Variants in SHROOM2 observed in about 807,000 individuals in gnomAD.
The protein encoded by SHROOM2 is protein Shroom2.
In SHROOM2, 33 loss-of-function variants were observed where a neutral mutation model predicts 75.9. The ratio of observed to expected loss-of-function variants is 0.43; its 90% CI spans 0.33 to 0.58. SHROOM2 has a LOEUF of 0.58. Among genes scored for constraint, SHROOM2 ranks in the 20% least tolerant of loss-of-function variants. The pLI, the probability that SHROOM2 is intolerant of heterozygous loss-of-function variation, is 0.04. For missense variants in SHROOM2, 1,434 were observed against 1,461.2 expected (o/e 0.98, Z 0.30); for synonymous variants, 655 against 663.6 (o/e 0.99, Z 0.20).
At chrX:9,868,480 G>A (rs1382565396) in intron 1 of SHROOM2, among the ~76,000 whole-genome samples, 1 of 109,187 alleles carries the variant, frequency 9.2e-6, no homozygotes, top group Non-Finnish European at 1.9e-5. Flanking sequence ...TCCTGACCTC[G>A]TGATCCACCC....
intron 1 of SHROOM2, among the ~76,000 whole-genome samples, chrX:9,848,458 T>C (rs1229665893): frequency 3.7e-5 from 3 of 81,385 alleles, no homozygotes; most frequent in Admixed American, 1.7e-4. Flanking sequence ...GAGCCGAGAT[T>C]GCGCCACTGC....
At chrX:9,877,120 A>G (rs1601960950) in intron 2 of SHROOM2, among the ~76,000 whole-genome samples, 1 of 111,873 alleles carries the variant, frequency 8.9e-6, no homozygotes, top group Admixed American at 9.5e-5. Flanking sequence ...GGCCACTTTC[A>G]CAAAGCGGTG....
intron 1 of SHROOM2, among the ~76,000 whole-genome samples, chrX:9,789,555 CA>C (rs1200636824): frequency 2.7e-5 from 3 of 110,927 alleles, no homozygotes; most frequent in African/African-American, 9.9e-5. Context: ...GGGTTTTTTG[CA>C]TGTTTCTGTT....
intron 1 of SHROOM2, among the ~76,000 whole-genome samples, chrX:9,836,515 C>T (rs1601936574): frequency 9.4e-6 from 1 of 106,939 alleles, no homozygotes; most frequent in Non-Finnish European, 1.9e-5. Flanking sequence ...CCCTCTCTAC[C>T]CCCTCCTTCT....
chrX:9,898,130 A>G lies in SHROOM2; in HGVS notation c.2791-60A>G, dbSNP rs892345844. ...CCCACAAATGAGGGCTTTCATAATC[A>G]CAGATGTCCTGAGGAAGGCAGCTTG... On this transcript the variant is annotated intron_variant, in intron 4 of 9. Coordinates refer to ENST00000380913, the MANE Select transcript of SHROOM2 (RefSeq NM_001649.4). 4 of 967,752 alleles carry G rather than the reference A, an allele frequency of 4.1e-6. No homozygotes were observed. In the African/African-American group the frequency reaches 7.7e-5, roughly 19 times the overall value. The allele number at this position is 967,752 out of a possible 1,213,427, so 79.8% of individuals were successfully genotyped here. A position where few individuals can be genotyped will look rare whatever the true frequency, so the allele number is the denominator to read the frequency against.
chrX:9,861,096 A>C (rs1324772327), intron 1 of SHROOM2, among the ~76,000 whole-genome samples: 1 of 112,348 alleles, frequency 8.9e-6, no homozygotes, highest in East Asian at 2.8e-4. Flanking sequence ...CAACAATGCG[A>C]TTATAGTTAA....
intron 1 of SHROOM2, among the ~76,000 whole-genome samples, chrX:9,849,208 A>G (rs2084024881): frequency 9.0e-6 from 1 of 111,723 alleles, no homozygotes; most frequent in African/African-American, 3.3e-5. Context: ...GGGAGCGTGG[A>G]TCTCTGTGCC....
In SHROOM2 at chrX:9,937,423, G is replaced by C. The variant is rs1429595482; in HGVS notation, c.3877G>C (p.Asp1293His). 1.7e-6 allele frequency: 2 copies of C among 1,209,003 alleles called. No homozygotes were observed. The highest frequency in any genetic ancestry group is 4.4e-5 in the Admixed American group (2 of 45,735). ...GGGCACCCAGGTGCCCCCCGAGAAA[G>C]ACCGCTGCACCTCCCCTCCAGGGCT... ...PLGTQVPPEK[D>H]RCTSPPGLSY... Residue 1293 changes from aspartate to histidine, a missense_variant, in exon 7 of 10, where the codon GAC (aspartate) becomes CAC (histidine). This residue lies in a region of SHROOM2 where 1,340 missense variants were observed against 1,338.3 expected (regional missense o/e 1.00). Coordinates refer to ENST00000380913, the MANE Select transcript of SHROOM2 (RefSeq NM_001649.4).
chrX:9,890,040 C>T (rs2084281724), intron 2 of SHROOM2, among the ~76,000 whole-genome samples: 1 of 112,652 alleles, frequency 8.9e-6, no homozygotes, highest in Non-Finnish European at 1.9e-5. Flanking sequence ...GACAAGTTAA[C>T]AGTTGTCCAT....
At chrX:9,917,535 T>TTGTTGTTGTTG (rs56120057) in intron 5 of SHROOM2, among the ~76,000 whole-genome samples, 2 of 102,352 alleles carry the variant, frequency 2.0e-5, no homozygotes, top group Admixed American at 1.1e-4. Flanking sequence ...TGTTGTTGTT[T>TTGTTGTTGTTG]TTTGAGATGG....
chrX:9,786,463 C>A lies in SHROOM2; in HGVS notation c.-83C>A. 1.4e-6 allele frequency: 1 copy of A among 733,660 alleles called. No homozygotes were observed. The highest frequency in any genetic ancestry group is 2.3e-5 in the African/African-American group (1 of 44,414). 60.5% of individuals were successfully genotyped at this position (733,660 alleles called of 1,213,427 possible). A position where few individuals can be genotyped will look rare whatever the true frequency, so the allele number is the denominator to read the frequency against. ...CCAAGTTACGGCGCAAGTTCTGCGG[C>A]GCTCGGAGCCTCCCTTGCGATCCCA... is the stretch of plus-strand genomic sequence containing the variant. On this transcript the variant is annotated 5_prime_UTR_variant, in exon 1 of 10. Coordinates refer to ENST00000380913, the MANE Select transcript of SHROOM2 (RefSeq NM_001649.4).
intron 5 of SHROOM2, among the ~76,000 whole-genome samples, chrX:9,914,213 C>T (rs1006471309): frequency 2.8e-5 from 3 of 108,313 alleles, no homozygotes; most frequent in Non-Finnish European, 3.8e-5. Flanking sequence ...TAACCATACA[C>T]GTTGGTGTCA....
At position 9,796,889 on chromosome X, in the gene SHROOM2, C is replaced by G. The variant is rs1441085969; in HGVS notation, c.165+10179C>G. Among the ~76,000 whole-genome samples the G allele has an allele frequency of 1.6e-4, 18 of 111,487 alleles. No individual in the cohort carries two copies. In the Admixed American group the frequency reaches 1.7e-3, roughly 11 times the overall value. The stretch of plus-strand genomic sequence containing the variant: ...CGAACTCTTGGGCTCAAGTGATCTA[C>G]CCACCATGGCTACCGAAAGTGCTGA... On this transcript the variant is annotated intron_variant, in intron 1 of 9. Coordinates refer to ENST00000380913, the MANE Select transcript of SHROOM2 (RefSeq NM_001649.4).
At chrX:9,901,995 G>T (rs1305648302) in intron 5 of SHROOM2, among the ~76,000 whole-genome samples, 6 of 109,443 alleles carry the variant, frequency 5.5e-5, no homozygotes, top group Non-Finnish European at 9.5e-5. Flanking sequence ...GTTGGAGGGT[G>T]GGGAGGGTGG....
chrX:9,884,604 CAT>C (rs1161137019), intron 2 of SHROOM2, among the ~76,000 whole-genome samples: 1 of 103,300 alleles, frequency 9.7e-6, no homozygotes, highest in Non-Finnish European at 2.0e-5. Context: ...TGGGCTCAAA[CAT>C]ACAGCTGTTG....
rs765221240 is a variant in SHROOM2, at chrX:9,894,527, G to A, written c.619G>A (p.Asp207Asn). The A allele has an allele frequency of 2.5e-6, 3 of 1,209,275 alleles. No homozygotes were observed. The highest frequency in any genetic ancestry group is 2.2e-5 in the Admixed American group (1 of 45,741). The change falls in exon 4 of 10, where the codon GAC becomes AAC. Residue 207 changes from aspartate to asparagine, a missense_variant. Coordinates refer to ENST00000380913, the MANE Select transcript of SHROOM2 (RefSeq NM_001649.4). ...CCACCTGGGCAGCCACAGCAAGCGC[G>A]ACTCGGCCTACGGCTCCTTCTCCAC... The part of the protein sequence containing the change: ...IDHLGSHSKR[D>N]SAYGSFSTSS...
chrX:9,808,757 G>A (rs1348104297), intron 1 of SHROOM2, among the ~76,000 whole-genome samples: 1 of 110,126 alleles, frequency 9.1e-6, no homozygotes, highest in African/African-American at 3.3e-5. Context: ...AGCTACTCGG[G>A]AGGCTGAGGC....
intron 5 of SHROOM2, among the ~76,000 whole-genome samples, chrX:9,911,092 C>T (rs904547223): frequency 5.4e-5 from 6 of 111,398 alleles, no homozygotes; most frequent in African/African-American, 1.6e-4. Flanking sequence ...GAATGGCACC[C>T]TCTCTTAGAG....
At chrX:9,831,631 C>T (rs2083916742) in intron 1 of SHROOM2, among the ~76,000 whole-genome samples, 1 of 112,276 alleles carries the variant, frequency 8.9e-6, no homozygotes, top group Admixed American at 9.4e-5. Flanking sequence ...GCACTCCAGC[C>T]TGGGCAATGA....
Sources: allele counts gnomAD v4.1 joint callset (sites outside exome capture counted in the v4.1 genomes callset), GRCh38; gene constraint gnomAD v4.1.1; regional missense constraint gnomAD v4.1.1; transcripts MANE v1.5; gene names NCBI Gene and HGNC (gene_info 2026-07-23, HGNC 2026-07-21).